VSTM2L: variants seen among roughly 807,000 people sequenced by gnomAD.
The protein encoded by VSTM2L is V-set and transmembrane domain containing 2 like.
A neutral mutation model predicts 19.9 loss-of-function variants in VSTM2L; 9 were observed. That is an observed-to-expected ratio of 0.45 (90% confidence interval 0.27 to 0.79). VSTM2L has a LOEUF of 0.79. Ranked by LOEUF, VSTM2L falls within the 30% of genes least tolerant of loss-of-function variation. The pLI, the probability that VSTM2L is intolerant of heterozygous loss-of-function variation, is 0.15. For synonymous variants in VSTM2L, 127 were observed against 133.8 expected, an observed-to-expected ratio of 0.95 and a Z score of 0.35; for missense variants, 286 against 295.5, an observed-to-expected ratio of 0.97 and a Z score of 0.24.
intron 1 of VSTM2L, among the ~76,000 whole-genome samples, chr20:37,912,134 C>T (rs2072783530): frequency 1.3e-5 from 2 of 152,344 alleles, no homozygotes; most frequent in South Asian, 2.1e-4. Flanking sequence ...GGGCGTGGTG[C>T]GACTTGCCTG....
At chr20:37,917,187 G>A (rs1044426364) in intron 1 of VSTM2L, among the ~76,000 whole-genome samples, 1 of 152,064 alleles carries the variant, frequency 6.6e-6, no homozygotes, top group African/African-American at 2.4e-5. Flanking sequence ...GGTGGAGGCC[G>A]CCTGTAATCC....
rs992258828 is a variant in VSTM2L at position 37,944,729 on chromosome 20, C to T, written c.*476C>T. Reference sequence around the variant, plus strand: ...TTGAATCTTCTGAGCAGAACTAGGGCCTCTCCCCTGGTGAAGACCCAGGGA... The same window carrying T: ...TTGAATCTTCTGAGCAGAACTAGGGTCTCTCCCCTGGTGAAGACCCAGGGA... On this transcript the variant is annotated 3_prime_UTR_variant, in exon 4 of 4. Transcript: ENST00000373461. 3 of 987,648 alleles carry T rather than the reference C, an allele frequency of 3.0e-6. No individual in the cohort carries two copies. In the African/African-American group the frequency reaches 5.2e-5, roughly 17 times the overall value. 61.2% of individuals were successfully genotyped at this position (987,648 alleles called of 1,614,324 possible). A position where few individuals can be genotyped will look rare whatever the true frequency, so the allele number is the denominator to read the frequency against.
At chr20:37,925,202 G>A (rs562658643) in intron 1 of VSTM2L, among the ~76,000 whole-genome samples, 6 of 152,032 alleles carry the variant, frequency 3.9e-5, no homozygotes, top group South Asian at 2.1e-4. Flanking sequence ...TTTCAGGCCT[G>A]CCTCTGCTTG....
At chr20:37,909,152 T>C (rs1465615214) in intron 1 of VSTM2L, among the ~76,000 whole-genome samples, 1 of 151,622 alleles carries the variant, frequency 6.6e-6, no homozygotes, top group Non-Finnish European at 1.5e-5. Context: ...GTGGAAGGAG[T>C]GCAATGGCCT....
chr20:37,944,151 G>A lies in VSTM2L; in HGVS notation c.513G>A (p.Leu171=). The A allele has an allele frequency of 6.3e-7, 1 of 1,595,890 alleles. No homozygotes were observed. Among genetic ancestry groups the A allele is most frequent in the Non-Finnish European group, 8.5e-7 (1 of 1,170,566 alleles). Residue 171 remains leucine, a synonymous_variant, in exon 4 of 4, where the codon CTG becomes CTA. Transcript: ENST00000373461. ...TGCAGCCAGGGGAGAACTCCGTCCT[G>A]CATCTGCCCGAAGCCCCTCCCGCCG... is the stretch of plus-strand genomic sequence containing the variant. ...LRVQPGENSV[L]HLPEAPPAAP...
chr20:37,931,235 G>A (rs1425061514), intron 1 of VSTM2L, among the ~76,000 whole-genome samples: 1 of 152,200 alleles, frequency 6.6e-6, no homozygotes, highest in African/African-American at 2.4e-5. Flanking sequence ...AGTAACTCAG[G>A]AGGGGAACTG....
intron 1 of VSTM2L, among the ~76,000 whole-genome samples, chr20:37,907,674 C>G (rs542797934): frequency 2.4e-3 from 367 of 151,870 alleles, no homozygotes; most frequent in African/African-American, 8.3e-3. Context: ...CACCCCTACA[C>G]ACACACACAC....
In VSTM2L at chr20:37,927,492, C is replaced by T. The variant is rs188200930; in HGVS notation, c.122-4143C>T. Among the ~76,000 whole-genome samples, 293 of 152,266 alleles carry T rather than the reference C, an allele frequency of 1.9e-3. 2 individuals are homozygous for T. The highest frequency in any genetic ancestry group is 6.4e-3 in the African/African-American group (265 of 41,548). ...TCTGGTGTCCCGGTGGAGAAGTGGC[C>T]GTGTGGCGGGGTCCTCCCCTGTGCT... On this transcript the variant is annotated intron_variant, in intron 1 of 3. Transcript: ENST00000373461.
chr20:37,933,478 C>T (rs1421042607), intron 2 of VSTM2L, 61 bp from the exon 3 acceptor site: 2 of 1,265,372 alleles, frequency 1.6e-6, no homozygotes, highest in East Asian at 2.4e-5. Flanking sequence ...ACTGCCACCC[C>T]ACCCCCACCC....
chr20:37,944,059 G>A lies in VSTM2L; in HGVS notation c.421G>A (p.Glu141Lys), dbSNP rs1451937759. 8.7e-6 allele frequency: 14 copies of A among 1,612,348 alleles called. No homozygotes were observed. Among genetic ancestry groups the A allele is most frequent in the Non-Finnish European group, 1.2e-5 (14 of 1,178,904 alleles). The stretch of plus-strand genomic sequence containing the variant: ...GAAGCCCACGGACGAAGGCACCTAC[G>A]AGTGCCGCGTCATCGACTTCAGCGA... ...RVKPTDEGTY[E>K]CRVIDFSDGK... is the part of the protein sequence containing the mutation. The change falls in exon 4 of 4, where the codon GAG becomes AAG. Residue 141 changes from glutamate to lysine, a missense_variant. Coordinates refer to ENST00000373461, the MANE Select transcript of VSTM2L (RefSeq NM_080607.3).
chr20:37,939,787 A>G (rs2072961214), intron 3 of VSTM2L, among the ~76,000 whole-genome samples: 1 of 152,200 alleles, frequency 6.6e-6, no homozygotes, highest in Admixed American at 6.5e-5. Context: ...TTGTTGAATG[A>G]ACGGACAAAT....
At chr20:37,908,892 G>T (rs1181308972) in intron 1 of VSTM2L, among the ~76,000 whole-genome samples, 1 of 152,230 alleles carries the variant, frequency 6.6e-6, no homozygotes, top group Non-Finnish European at 1.5e-5. Context: ...GCCTTGAATG[G>T]TATCATCTCA....
chr20:37,931,486 A>T, intron 1 of VSTM2L, 149 bp from the exon 2 acceptor site: 1 of 835,292 alleles, frequency 1.2e-6, no homozygotes, highest in Non-Finnish European at 1.9e-6. Context: ...AAGCCAGACC[A>T]CTCCCACCAG....
intron 1 of VSTM2L, among the ~76,000 whole-genome samples, chr20:37,907,784 T>C (rs1429035393): frequency 1.3e-5 from 2 of 152,168 alleles, no homozygotes; most frequent in Non-Finnish European, 2.9e-5. Context: ...AGTGATTCAC[T>C]GTCCTGAGAT....
chr20:37,943,398 C>T (rs1430175290), intron 3 of VSTM2L, among the ~76,000 whole-genome samples: 3 of 151,590 alleles, frequency 2.0e-5, no homozygotes, highest in African/African-American at 7.3e-5. Context: ...ACCTCAGTCT[C>T]CTGAGTAGCT....
intron 3 of VSTM2L, among the ~76,000 whole-genome samples, chr20:37,941,809 G>GC (rs1398821340): frequency 1.4e-5 from 2 of 143,952 alleles, no homozygotes; most frequent in Admixed American, 7.0e-5. Context: ...CTGCAGGAAG[G>GC]TTTTTTTTTT....
intron 3 of VSTM2L, among the ~76,000 whole-genome samples, chr20:37,943,261 G>T (rs935095209): frequency 4.0e-5 from 6 of 151,500 alleles, no homozygotes; most frequent in African/African-American, 1.5e-4. Flanking sequence ...TTCCAGGCAT[G>T]AGCCACCGCA....
At chr20:37,933,474 A>ACCCCCCCC in intron 2 of VSTM2L, 65 bp from the exon 3 acceptor site, 1 of 986,784 alleles carries the variant, frequency 1.0e-6, no homozygotes, top group East Asian at 3.1e-5. Flanking sequence ...CCACACTGCC[A>ACCCCCCCC]CCCCACCCCC....
At chr20:37,924,744 C>T (rs1339194159) in intron 1 of VSTM2L, among the ~76,000 whole-genome samples, 1 of 152,080 alleles carries the variant, frequency 6.6e-6, no homozygotes, top group Non-Finnish European at 1.5e-5. Flanking sequence ...GGTGCTGGTG[C>T]AGTATCCTCA....
Sources: gnomAD v4.1 joint callset for allele counts (sites outside exome capture counted in the v4.1 genomes callset) on GRCh38, gnomAD v4.1.1 for gene constraint, MANE v1.5 for transcripts, NCBI Gene and HGNC (gene_info 2026-07-23, HGNC 2026-07-21) for gene names.